The following PLGRKT variants were observed in gnomAD, a reference collection of about 807,000 sequenced individuals.
The protein encoded by PLGRKT is plasminogen receptor (KT).
In PLGRKT, 22 loss-of-function variants were observed where a neutral mutation model predicts 18.5. That is an observed-to-expected ratio of 1.19 (90% CI 0.85 to 1.70). The LOEUF is 1.70. PLGRKT is among the 40% of genes most tolerant of loss of function. PLGRKT has a pLI of 0.00. For synonymous variants in PLGRKT, 72 were observed against 52.8 expected, an observed-to-expected ratio of 1.36 and a Z score of -1.58; for missense variants, 235 against 174.4, an observed-to-expected ratio of 1.35 and a Z score of -1.96.
chr9:5,434,749 G>A (rs893639144), intron 2 of PLGRKT, among the ~76,000 whole-genome samples: 20 of 151,630 alleles, frequency 1.3e-4, no homozygotes, highest in African/African-American at 4.1e-4. Context: ...CTGCCCGGCC[G>A]CCCTGTCTGG....
chr9:5,376,934 CT>C (rs565941103), intron 3 of PLGRKT, among the ~76,000 whole-genome samples: 56 of 152,198 alleles, frequency 3.7e-4, no homozygotes, highest in Non-Finnish European at 5.9e-4. Flanking sequence ...CCTTGTTGTT[CT>C]TTTAGAATTT....
chr9:5,428,957 C>T (rs1213010425), intron 3 of PLGRKT, among the ~76,000 whole-genome samples: 1 of 152,194 alleles, frequency 6.6e-6, no homozygotes, highest in African/African-American at 2.4e-5. Context: ...CTGCCATGGT[C>T]TCCCAGTGTG....
At chr9:5,436,484 T>C (rs189769868) in intron 2 of PLGRKT, 85 bp downstream of exon 2, 1 of 152,378 alleles carries the variant, frequency 6.6e-6, no homozygotes, top group African/African-American at 2.4e-5. Flanking sequence ...TTGTAAGGGG[T>C]TAGGATCTCC....
chr9:5,380,090 C>T (rs7040203), intron 3 of PLGRKT, among the ~76,000 whole-genome samples: 110,776 of 152,118 alleles, frequency 0.73, 41,544 homozygotes, highest in African/African-American at 0.91. Flanking sequence ...ATAGGCTGGG[C>T]GCAGTGGCTC....
chr9:5,435,329 A>AAAG (rs1210755805), intron 2 of PLGRKT, among the ~76,000 whole-genome samples: 1 of 149,960 alleles, frequency 6.7e-6, no homozygotes, highest in Non-Finnish European at 1.5e-5. Flanking sequence ...ACTAAAAAAA[A>AAAG]AAAAAAAAAG....
intron 3 of PLGRKT, among the ~76,000 whole-genome samples, chr9:5,372,526 A>G (rs1265126786): frequency 6.6e-6 from 1 of 152,214 alleles, no homozygotes; most frequent in East Asian, 1.9e-4. Context: ...CTACATTATC[A>G]GGAATGATGC....
chr9:5,382,158 T>G (rs1817759447), intron 3 of PLGRKT: 2 of 307,768 alleles, frequency 6.5e-6, no homozygotes, highest in Non-Finnish European at 9.5e-6. Context: ...TTCCCTCACT[T>G]GCCATCCATT....
intron 3 of PLGRKT, among the ~76,000 whole-genome samples, chr9:5,422,055 C>T (rs190153497): frequency 6.6e-6 from 1 of 152,086 alleles, no homozygotes; most frequent in Admixed American, 6.6e-5. Flanking sequence ...AACTATATTC[C>T]AGGATAACCA....
chr9:5,390,107 A>G (rs1817919717), intron 3 of PLGRKT, among the ~76,000 whole-genome samples: 1 of 151,758 alleles, frequency 6.6e-6, no homozygotes, highest in Admixed American at 6.6e-5. Flanking sequence ...AAATCCAGAT[A>G]CCAACCCTCG....
intron 3 of PLGRKT, among the ~76,000 whole-genome samples, chr9:5,422,506 C>A (rs554858504): frequency 6.6e-6 from 1 of 152,070 alleles, no homozygotes; most frequent in African/African-American, 2.4e-5. Context: ...ATAAATAGTA[C>A]GACAAGTAGA....
rs920720473 is a variant in PLGRKT at position 5,408,432 on chromosome 9, A to G, written c.81+23465T>C. On this transcript the variant is annotated intron_variant, in intron 3 of 5. Coordinates refer to ENST00000223864, the MANE Select transcript of PLGRKT (RefSeq NM_018465.4). ...ATGCGCAACTTCGAGCTTGAGAGTG[A>G]TGATTTACGGTATCTGGTGGAAGAA... Among the ~76,000 whole-genome samples, 37 of 152,186 alleles carry G rather than the reference A, an allele frequency of 2.4e-4. 3 individuals are homozygous for G. Among genetic ancestry groups the G allele is most frequent in the Admixed American group, 2.0e-3 (31 of 15,292 alleles).
chr9:5,386,234 C>T (rs1018844728), intron 3 of PLGRKT, among the ~76,000 whole-genome samples: 1 of 151,872 alleles, frequency 6.6e-6, no homozygotes, highest in Non-Finnish European at 1.5e-5. Context: ...AATCTCAGAC[C>T]TTCTACAGTT....
intron 3 of PLGRKT, among the ~76,000 whole-genome samples, chr9:5,428,014 G>T (rs549430533): frequency 6.6e-6 from 1 of 152,282 alleles, no homozygotes; most frequent in East Asian, 1.9e-4. Context: ...CCCTTCTGGG[G>T]TGGGAGAAGG....
At chr9:5,363,889 T>C (rs1030385628) in intron 3 of PLGRKT, among the ~76,000 whole-genome samples, 4 of 152,206 alleles carry the variant, frequency 2.6e-5, no homozygotes, top group African/African-American at 9.7e-5. Flanking sequence ...GAGGTTCATT[T>C]TGAGTTCAAT....
chr9:5,421,628 GA>G (rs1360547182), intron 3 of PLGRKT, among the ~76,000 whole-genome samples: 1 of 152,192 alleles, frequency 6.6e-6, no homozygotes, highest in African/African-American at 2.4e-5. Context: ...TTTAATTACT[GA>G]CTTTGCTGAG....
At chr9:5,383,901 T>C (rs1045201183) in intron 3 of PLGRKT, among the ~76,000 whole-genome samples, 2 of 152,218 alleles carry the variant, frequency 1.3e-5, no homozygotes, top group Admixed American at 6.5e-5. Context: ...GTGCCATTTA[T>C]TGAGCCAGGG....
chr9:5,411,708 G>A (rs1242393863), intron 3 of PLGRKT, among the ~76,000 whole-genome samples: 2 of 152,002 alleles, frequency 1.3e-5, no homozygotes, highest in Non-Finnish European at 2.9e-5. Context: ...CCAACTATAA[G>A]AATATATTTC....
At chr9:5,414,270 G>A (rs933353728) in intron 3 of PLGRKT, among the ~76,000 whole-genome samples, 4 of 152,100 alleles carry the variant, frequency 2.6e-5, no homozygotes, top group African/African-American at 4.8e-5. Context: ...AGATCCAAGC[G>A]ATTCTGCTGC....
Position 5,361,239 on chromosome 9 carries a change from C to G in PLGRKT, c.213-52G>C. 2.9e-6 allele frequency: 3 copies of G among 1,019,102 alleles called. No individual in the cohort carries two copies. In the Middle Eastern group the frequency reaches 6.4e-4, roughly 217 times the overall value. 63.1% of individuals were successfully genotyped at this position (1,019,102 alleles called of 1,614,324 possible). On this transcript the variant is annotated intron_variant, in intron 4 of 5. Transcript: ENST00000223864. ...AATATCAAAAAATAACCTGTAAATA[C>G]ATATCTGTATACTTAAAGAAAAAAA...
Sources: allele counts gnomAD v4.1 joint callset (sites outside exome capture counted in the v4.1 genomes callset), GRCh38; gene constraint gnomAD v4.1.1; transcripts MANE v1.5; gene names NCBI Gene and HGNC (gene_info 2026-07-23, HGNC 2026-07-21).